TLE1: variants seen among roughly 807,000 people sequenced by gnomAD.
TLE1 encodes transducin-like enhancer protein 1.
Under a neutral mutation model 89.8 loss-of-function variants are expected in TLE1, and 21 were observed. That is an observed-to-expected ratio of 0.23 (90% CI 0.17 to 0.34). TLE1 has a LOEUF of 0.34. Ranked by LOEUF, TLE1 falls within the 10% of genes least tolerant of loss-of-function variation. The pLI, the probability that TLE1 is intolerant of heterozygous loss-of-function variation, is 1.00. For synonymous variants in TLE1, 447 were observed against 407.6 expected, an observed-to-expected ratio of 1.10 and a Z score of -1.16; for missense variants, 795 against 1,031.2, an observed-to-expected ratio of 0.77 and a Z score of 3.14.
At chr9:81,651,362 T>C (rs1829507550) in intron 6 of TLE1, among the ~76,000 whole-genome samples, 1 of 152,230 alleles carries the variant, frequency 6.6e-6, no homozygotes, top group Admixed American at 6.5e-5. Context: ...GATGAACTCA[T>C]GCAGGGGATG....
At chr9:81,605,244 C>G (rs1420997831) in intron 14 of TLE1, among the ~76,000 whole-genome samples, 7 of 152,182 alleles carry the variant, frequency 4.6e-5, no homozygotes, top group African/African-American at 1.7e-4. Flanking sequence ...CAGACCAGCC[C>G]TACTCAACGT....
At chr9:81,598,067 C>T (rs1211659757) in intron 14 of TLE1, among the ~76,000 whole-genome samples, 1 of 152,152 alleles carries the variant, frequency 6.6e-6, no homozygotes, top group African/African-American at 2.4e-5. Flanking sequence ...TGGTCAAGCC[C>T]CGCTGCCTAC....
chr9:81,633,970 G>A lies in TLE1; in HGVS notation c.577+127C>T, dbSNP rs560500868. The stretch of plus-strand genomic sequence containing the variant: ...CCTGTGTTTCAGTGGAAAGCTTTGC[G>A]ACAGTTCCTCTTATCTCATTGTTTG... On this transcript the variant is annotated intron_variant, in intron 7 of 19. Transcript: ENST00000376499. The A allele has an allele frequency of 3.8e-4, 415 of 1,100,862 alleles. 4 individuals are homozygous for A. The South Asian group carries it at 6.5e-3, about 17-fold the overall frequency. 68.2% of individuals were successfully genotyped at this position (1,100,862 alleles called of 1,614,324 possible). A position where few individuals can be genotyped will look rare whatever the true frequency, so the allele number is the denominator to read the frequency against.
At chr9:81,612,155 G>GA (rs1823802240) in intron 12 of TLE1, 196 bp from the exon 13 acceptor site, 1 of 625,908 alleles carries the variant, frequency 1.6e-6, no homozygotes, top group Admixed American at 4.4e-5. Context: ...CTCCAGGAAA[G>GA]AAAAGACTCC....
At chr9:81,686,875 C>T (rs190994986) in intron 2 of TLE1, among the ~76,000 whole-genome samples, 1 of 152,244 alleles carries the variant, frequency 6.6e-6, no homozygotes, top group Admixed American at 6.5e-5. Context: ...CAATGATGGG[C>T]AATGTTATAA....
At chr9:81,629,085 G>A (rs1441836464) in intron 8 of TLE1, among the ~76,000 whole-genome samples, 1 of 152,068 alleles carries the variant, frequency 6.6e-6, no homozygotes, top group Non-Finnish European at 1.5e-5. Flanking sequence ...GACATAAAAT[G>A]GATCACTGCA....
chr9:81,618,839 A>C lies in TLE1; in HGVS notation c.711+1602T>G, dbSNP rs1265873938. Among the ~76,000 whole-genome samples the C allele has an allele frequency of 2.6e-5, 4 of 152,234 alleles. No individual in the cohort carries two copies. In the East Asian group the frequency reaches 7.7e-4, roughly 29 times the overall value. On this transcript the variant is annotated intron_variant, in intron 9 of 19. Transcript: ENST00000376499. Reference sequence around the variant, plus strand: ...GTGAGTTTACCGTAATTTAAATCTTAGCTTTGTACCGGACCCTTCTGCAAA... The same window carrying C: ...GTGAGTTTACCGTAATTTAAATCTTCGCTTTGTACCGGACCCTTCTGCAAA...
chr9:81,687,911 G>A (rs1834553288), intron 1 of TLE1, among the ~76,000 whole-genome samples: 2 of 152,138 alleles, frequency 1.3e-5, no homozygotes, highest in South Asian at 2.1e-4. Flanking sequence ...CAAAGGGGGG[G>A]GCGCCCTGCC....
rs1324317000 is a variant in TLE1 at position 81,613,420 on chromosome 9, A to T, written c.1020T>A (p.Gly340=). The change falls in exon 12 of 20, where the codon GGT becomes GGA. Residue 340 remains glycine, a synonymous_variant. Transcript: ENST00000376499. The part of the protein sequence containing the change: ...GTSATPGLRP[G]LGKPPAIDPL... ...GGTCTATGGCTGGAGGCTTGCCGAGACCTGGACGGAGGCCTGGAGTGGCGC... is the reference window on the plus strand; with the variant it reads ...GGTCTATGGCTGGAGGCTTGCCGAGTCCTGGACGGAGGCCTGGAGTGGCGC... The T allele has an allele frequency of 1.9e-6, 3 of 1,613,982 alleles. No homozygotes were observed. Among genetic ancestry groups the T allele is most frequent in the African/African-American group, 2.7e-5 (2 of 74,934 alleles).
intron 16 of TLE1, 42 bp from the exon 17 acceptor site, chr9:81,587,870 G>A (rs1295779778): frequency 1.3e-6 from 2 of 1,508,054 alleles, no homozygotes; most frequent in Admixed American, 1.9e-5. Flanking sequence ...TCCTGCCAGA[G>A]CTCAAGGTAA....
chr9:81,653,564 T>G (rs1829811098), intron 5 of TLE1, among the ~76,000 whole-genome samples: 1 of 152,188 alleles, frequency 6.6e-6, no homozygotes, highest in Non-Finnish European at 1.5e-5. Flanking sequence ...GACAACTGCC[T>G]TGATACATAA....
chr9:81,608,260 C>T (rs1823236759), intron 14 of TLE1, among the ~76,000 whole-genome samples: 1 of 152,110 alleles, frequency 6.6e-6, no homozygotes, highest in African/African-American at 2.4e-5. Flanking sequence ...AATACAATAG[C>T]TACAACACTG....
At chr9:81,673,084 C>T in intron 4 of TLE1, among the ~76,000 whole-genome samples, 1 of 151,674 alleles carries the variant, frequency 6.6e-6, no homozygotes. Context: ...ACCAGCCTGG[C>T]CAACATGGTG....
rs113174660 is a variant in TLE1 at position 81,616,779 on chromosome 9, C to T, written c.712-80G>A. ...CACAGTTAGATTTCTTTCTATAGTT[C>T]CTGGTAGCAGACAGACTAAAAAAAC... is the stretch of plus-strand genomic sequence containing the variant. On this transcript the variant is annotated intron_variant, in intron 9 of 19. Coordinates refer to ENST00000376499, the MANE Select transcript of TLE1 (RefSeq NM_005077.5). 3,605 of 1,548,496 alleles carry T rather than the reference C, an allele frequency of 2.3e-3. 9 individuals carry two copies. The highest frequency in any genetic ancestry group is 7.6e-3 in the African/African-American group (559 of 73,468).
intron 14 of TLE1, among the ~76,000 whole-genome samples, chr9:81,603,583 C>T (rs780862643): frequency 6.6e-6 from 1 of 152,204 alleles, no homozygotes; most frequent in Non-Finnish European, 1.5e-5. Flanking sequence ...ACCAAAATAA[C>T]CTTTGTCTCC....
chr9:81,645,000 CAAA>C (rs150421441), intron 6 of TLE1, among the ~76,000 whole-genome samples: 102 of 64,884 alleles, frequency 1.6e-3, no homozygotes, highest in Middle Eastern at 0.016. Flanking sequence ...GACACTGTCT[CAAA>C]AAAAAAAAAA....
In TLE1 at chr9:81,653,617, T is replaced by C. The variant is rs1294095684; in HGVS notation, c.297+357A>G. Among the ~76,000 whole-genome samples the C allele has an allele frequency of 2.0e-5, 3 of 152,232 alleles. No homozygotes were observed. The East Asian group carries it at 5.8e-4, about 29-fold the overall frequency. ...GCCTCCATAGTAAAGTCTACCTTGA[T>C]GGAACCATTTTTAAAAGTCAGTATG... On this transcript the variant is annotated intron_variant, in intron 5 of 19. Coordinates refer to ENST00000376499, the MANE Select transcript of TLE1 (RefSeq NM_005077.5).
intron 4 of TLE1, among the ~76,000 whole-genome samples, chr9:81,684,807 T>G (rs1834057794): frequency 6.6e-6 from 1 of 152,186 alleles, no homozygotes; most frequent in South Asian, 2.1e-4. Flanking sequence ...AAAGTGAATG[T>G]CAGCGTATCT....
chr9:81,648,413 C>T (rs1313844170), intron 6 of TLE1, among the ~76,000 whole-genome samples: 1 of 151,974 alleles, frequency 6.6e-6, no homozygotes, highest in Non-Finnish European at 1.5e-5. Flanking sequence ...TGGAAACCAC[C>T]CCCTTATTGT....
Sources: gnomAD v4.1 joint callset for allele counts (sites outside exome capture counted in the v4.1 genomes callset) on GRCh38, gnomAD v4.1.1 for gene constraint, MANE v1.5 for transcripts, NCBI Gene and HGNC (gene_info 2026-07-23, HGNC 2026-07-21) for gene names.